Variants in DNAJA1 observed in about 807,000 individuals in gnomAD.
The protein encoded by DNAJA1 is dnaJ homolog subfamily A member 1.
A neutral mutation model predicts 47.6 loss-of-function variants in DNAJA1; 26 were observed. That is an observed-to-expected ratio of 0.55 (90% CI 0.40 to 0.76). The LOEUF (loss-of-function observed/expected upper bound fraction) is 0.76, where lower values mean the gene tolerates loss of function less well. Ranked by LOEUF, DNAJA1 falls within the 30% of genes least tolerant of loss-of-function variation. The probability of loss-of-function intolerance (pLI) is 0.00; values close to 1 mark genes in which losing one functional copy is unlikely to be tolerated. For missense variants in DNAJA1, 315 were observed against 485.0 expected, an observed-to-expected ratio of 0.65 and a Z score of 3.29; for synonymous variants, 165 against 158.4, an observed-to-expected ratio of 1.04 and a Z score of -0.31.
intron 3 of DNAJA1, among the ~76,000 whole-genome samples, chr9:33,028,242 G>A (rs184104364): frequency 2.6e-5 from 4 of 152,166 alleles, no homozygotes; most frequent in African/African-American, 7.2e-5. Context: ...AAACTGGTTC[G>A]TTGCCTGCCA....
Position 33,036,591 on chromosome 9 carries a change from T to C in DNAJA1, c.776T>C (p.Phe259Ser), listed in dbSNP as rs368451477. 5.6e-6 allele frequency: 9 copies of C among 1,610,884 alleles called. No homozygotes were observed. The highest frequency in any genetic ancestry group is 7.6e-6 in the Non-Finnish European group (9 of 1,178,576). ...TTATGCAGACGAGGAGAAGACCTTT[T>C]CATGTGTATGGACATACAGCTCGTT... Reference protein sequence around the residue: ...AVFTRRGEDLFMCMDIQLVEA... With the variant: ...AVFTRRGEDLSMCMDIQLVEA... Residue 259 changes from phenylalanine (F) to serine (S), a missense_variant, in exon 7 of 9, where the codon TTC becomes TCC. Physicochemically the swap from Phe to Ser is radical, Grantham distance 155. Coordinates refer to ENST00000330899, the MANE Select transcript of DNAJA1 (RefSeq NM_001539.4).
intron 5 of DNAJA1, among the ~76,000 whole-genome samples, chr9:33,031,695 T>G (rs929409511): frequency 6.6e-6 from 1 of 152,178 alleles, no homozygotes; most frequent in Non-Finnish European, 1.5e-5. Context: ...CCTCCTAAAA[T>G]GCTGGGATTA....
At chr9:33,037,909 T>C (rs1195710238) in intron 8 of DNAJA1, among the ~76,000 whole-genome samples, 1 of 152,196 alleles carries the variant, frequency 6.6e-6, no homozygotes, top group African/African-American at 2.4e-5. Context: ...CAAAATAGTG[T>C]AATGCTTGAT....
At chr9:33,025,488 C>G (rs1170056974) in intron 1 of DNAJA1, 105 bp downstream of exon 1, 1 of 152,660 alleles carries the variant, frequency 6.6e-6, no homozygotes, top group East Asian at 1.9e-4. Flanking sequence ...GTGGGTAGGA[C>G]CGCTGTCAGT....
At position 33,039,253 on chromosome 9, in the gene DNAJA1, T is replaced by C. The variant is rs1227182436; in HGVS notation, c.*350T>C. 1 of 204,684 alleles carries C rather than the reference T, an allele frequency of 4.9e-6. No individual in the cohort carries two copies. Among genetic ancestry groups the C allele is most frequent in the Non-Finnish European group, 1.0e-5 (1 of 99,530 alleles). The allele number at this position is 204,684 out of a possible 1,614,324, so 12.7% of individuals were successfully genotyped here. On this transcript the variant is annotated 3_prime_UTR_variant, in exon 9 of 9. Transcript: ENST00000330899. ...GGCTTCAGTGTATGACCCTTCATTG[T>C]TAAGCTATGAAAGTAAAACTCTGTA...
chr9:33,038,083 T>G (rs1347155920), intron 8 of DNAJA1, among the ~76,000 whole-genome samples: 1 of 151,820 alleles, frequency 6.6e-6, no homozygotes, highest in Non-Finnish European at 1.5e-5. Flanking sequence ...TGGATCACTG[T>G]AACCTCCACC....
intron 7 of DNAJA1, 100 bp from the exon 8 acceptor site, chr9:33,036,915 A>G: frequency 9.0e-7 from 1 of 1,105,550 alleles, no homozygotes; most frequent in Non-Finnish European, 1.3e-6. Context: ...CGTAAGTTTT[A>G]CTCCTGCCAA....
chr9:33,038,768 A>G lies in DNAJA1; in HGVS notation c.1059A>G (p.Glu353=), dbSNP rs2119399854. 1.9e-6 allele frequency: 3 copies of G among 1,614,176 alleles called. No homozygotes were observed. The highest frequency in any genetic ancestry group is 2.2e-5 in the East Asian group (1 of 44,880). ...EKLLPERKEV[E]ETDEMDQVEL... is the part of the protein sequence containing the mutation. ...TCCTACCCGAGAGGAAGGAAGTGGA[A>G]GAGACTGATGAGATGGACCAAGTAG... The change falls in exon 9 of 9, where the codon GAA becomes GAG. Residue 353 remains glutamate (E), a synonymous_variant. Transcript: ENST00000330899.
intron 4 of DNAJA1, 135 bp downstream of exon 4, chr9:33,030,124 G>A: frequency 1.2e-6 from 1 of 839,522 alleles, no homozygotes; most frequent in Non-Finnish European, 1.8e-6. Context: ...GGGAGGAGAG[G>A]GCAGATATGA....
chr9:33,037,405 G>A (rs1327755077), intron 8 of DNAJA1: 6 of 233,644 alleles, frequency 2.6e-5, no homozygotes, highest in Admixed American at 1.0e-4. Flanking sequence ...ATCTGGCCAC[G>A]TGCCACTGGC....
rs761967558 is a variant in DNAJA1 at position 33,034,330 on chromosome 9, G to A, written c.758G>A (p.Arg253Gln). ...CAGAAGGACCATGCTGTTTTTACTC[G>A]GTAAAGACTTTTATCAACCACTCAA... ...LDQKDHAVFT[R>Q]RGEDLFMCMD... The change falls in exon 6 of 9, where the codon CGA (arginine) becomes CAA (glutamine). Residue 253 changes from arginine to glutamine, a missense_variant and splice_region_variant. Transcript: ENST00000330899. 12 of 1,600,360 alleles carry A rather than the reference G, an allele frequency of 7.5e-6. No individual in the cohort carries two copies. Among genetic ancestry groups the A allele is most frequent in the East Asian group, 2.2e-5 (1 of 44,514 alleles).
chr9:33,036,017 C>G (rs1839027580), intron 6 of DNAJA1: 1 of 152,278 alleles, frequency 6.6e-6, no homozygotes, highest in Non-Finnish European at 1.5e-5. Context: ...GATCTCAACT[C>G]ACTGCAATCT....
chr9:33,030,030 A>C (rs1208033370), intron 4 of DNAJA1, 41 bp downstream of exon 4: 1 of 1,558,046 alleles, frequency 6.4e-7, no homozygotes, highest in Non-Finnish European at 8.8e-7. Context: ...GTTTTTAAGC[A>C]CCTTTAATAT....
chr9:33,038,363 T>C (rs982465484), intron 8 of DNAJA1, among the ~76,000 whole-genome samples: 6 of 152,182 alleles, frequency 3.9e-5, no homozygotes, highest in African/African-American at 1.4e-4. Context: ...TTTGTTTAAA[T>C]ATGTCGTAAG....
rs1839072127 is a variant in DNAJA1, at chr9:33,038,741, A to G, written c.1032A>G (p.Lys344=). The stretch of plus-strand genomic sequence containing the variant: ...CTGATAAACTGTCTTTGCTGGAAAA[A>G]CTCCTACCCGAGAGGAAGGAAGTGG... ...LSPDKLSLLE[K]LLPERKEVEE... Residue 344 remains lysine, a synonymous_variant, in exon 9 of 9, where the codon AAA becomes AAG. Coordinates refer to ENST00000330899, the MANE Select transcript of DNAJA1 (RefSeq NM_001539.4). 2 of 1,613,542 alleles carry G rather than the reference A, an allele frequency of 1.2e-6. No individual in the cohort carries two copies. Among genetic ancestry groups the G allele is most frequent in the South Asian group, 1.1e-5 (1 of 91,060 alleles).
Position 33,039,189 on chromosome 9 carries a change from C to G in DNAJA1, c.*286C>G, listed in dbSNP as rs556610012. 5.1e-6 allele frequency: 2 copies of G among 395,488 alleles called. No individual in the cohort carries two copies. Among genetic ancestry groups the G allele is most frequent in the Non-Finnish European group, 9.4e-6 (2 of 213,128 alleles). The allele number at this position is 395,488 out of a possible 1,614,324, so 24.5% of individuals were successfully genotyped here. A position where few individuals can be genotyped will look rare whatever the true frequency, so the allele number is the denominator to read the frequency against. On this transcript the variant is annotated 3_prime_UTR_variant, in exon 9 of 9. Coordinates refer to ENST00000330899, the MANE Select transcript of DNAJA1 (RefSeq NM_001539.4). ...CCTTGTAATTGACTTCAGCTATGTA[C>G]GTGGACAAGCTTAGACTGAAATGCT... is the stretch of plus-strand genomic sequence containing the variant.
intron 8 of DNAJA1, 156 bp downstream of exon 8, chr9:33,037,271 G>A: frequency 2.2e-6 from 1 of 463,698 alleles, no homozygotes. Context: ...CTGGAGTTTT[G>A]AGAACAGCCT....
At chr9:33,029,211 T>C (rs547921655) in intron 3 of DNAJA1, among the ~76,000 whole-genome samples, 26 of 152,342 alleles carry the variant, frequency 1.7e-4, no homozygotes, top group Admixed American at 1.1e-3. Context: ...TAAGCACATG[T>C]GATTGGTGGC....
At position 33,038,972 on chromosome 9, in the gene DNAJA1, A is replaced by C. The variant is rs1398406414; in HGVS notation, c.*69A>C. The stretch of plus-strand genomic sequence containing the variant: ...AGTGAATGAGTGAAGGACTGTAATC[A>C]TAATATGCTCACTACTTGCTCTTGT... On this transcript the variant is annotated 3_prime_UTR_variant, in exon 9 of 9. Coordinates refer to ENST00000330899, the MANE Select transcript of DNAJA1 (RefSeq NM_001539.4). 7.4e-7 allele frequency: 1 copy of C among 1,358,230 alleles called. No individual in the cohort carries two copies. Among genetic ancestry groups the C allele is most frequent in the South Asian group, 1.2e-5 (1 of 80,960 alleles). 84.1% of individuals were successfully genotyped at this position (1,358,230 alleles called of 1,614,324 possible). A position where few individuals can be genotyped will look rare whatever the true frequency, so the allele number is the denominator to read the frequency against.
Sources: gnomAD v4.1 joint callset for allele counts (sites outside exome capture counted in the v4.1 genomes callset) on GRCh38, gnomAD v4.1.1 for gene constraint, MANE v1.5 for transcripts, NCBI Gene and HGNC (gene_info 2026-07-23, HGNC 2026-07-21) for gene names.